BCL2L11: variants seen among roughly 807,000 people sequenced by gnomAD.
BCL2L11 encodes bcl-2-like protein 11.
BCL2L11 carries 15 observed loss-of-function variants against 20.6 expected under a neutral mutation model. The observed-to-expected ratio is 0.73, with a 90% CI of 0.49 to 1.12. The LOEUF (loss-of-function observed/expected upper bound fraction) is 1.12. Ranked by LOEUF, BCL2L11 falls within the 50% of genes most tolerant of loss-of-function variation. The pLI is 0.00. For synonymous variants in BCL2L11, 108 were observed against 92.8 expected (o/e 1.16, Z -0.94); for missense variants, 292 against 260.9 (o/e 1.12, Z -0.82).
intron 1 of BCL2L11, chr2:111,122,555 A>T (rs2071305449): frequency 1.0e-6 from 1 of 961,732 alleles, no homozygotes. Flanking sequence ...GCGCGGACCA[A>T]TTGGGAACGC....
rs2079085930 is a variant in BCL2L11 at position 111,167,644 on chromosome 2, C to G, written c.*3413C>G. On this transcript the variant is annotated 3_prime_UTR_variant, in exon 4 of 4. Transcript: ENST00000393256. The stretch of plus-strand genomic sequence containing the variant: ...AATGGGTGGGACAGGTGGCTCCTGC[C>G]TAAGGACCACCTCAGGCCACTAACC... 2.0e-5 allele frequency: 3 copies of G among 152,262 alleles called. No individual in the cohort carries two copies. Among genetic ancestry groups the G allele is most frequent in the African/African-American group, 2.4e-5 (1 of 41,464 alleles). The allele number at this position is 152,262 out of a possible 1,614,324, so 9.4% of individuals were successfully genotyped here. A position where few individuals can be genotyped will look rare whatever the true frequency, so the allele number is the denominator to read the frequency against.
Position 111,167,305 on chromosome 2 carries a change from G to A in BCL2L11, c.*3074G>A, listed in dbSNP as rs753525241. 11 of 152,108 alleles carry A rather than the reference G, an allele frequency of 7.2e-5. No homozygotes were observed. Among genetic ancestry groups the A allele is most frequent in the African/African-American group, 9.7e-5 (4 of 41,390 alleles). The allele number at this position is 152,108 out of a possible 1,614,324, so 9.4% of individuals were successfully genotyped here. ...TGGGTTTCAATTCTTGGGCTTTGCC[G>A]CCCTTATGATGAAGTGTGTGTTTGA... On this transcript the variant is annotated 3_prime_UTR_variant, in exon 4 of 4. Transcript: ENST00000393256.
Position 111,150,068 on chromosome 2 carries a change from C to A in BCL2L11, c.419C>A (p.Ala140Glu), listed in dbSNP as rs866869532. 3 of 1,613,914 alleles carry A rather than the reference C, an allele frequency of 1.9e-6. No homozygotes were observed. Among genetic ancestry groups the A allele is most frequent in the Non-Finnish European group, 2.5e-6 (3 of 1,179,894 alleles). ...AMASMRQAEP[A>E]DMRPEIWIAQ... Reference sequence around the variant, plus strand: ...GCTTCCATGAGGCAGGCTGAACCTGCAGATATGCGCCCAGAGATATGGATC... The same window carrying A: ...GCTTCCATGAGGCAGGCTGAACCTGAAGATATGCGCCCAGAGATATGGATC... The change falls in exon 3 of 4, where the codon GCA becomes GAA. Residue 140 changes from alanine to glutamate, a missense_variant. Transcript: ENST00000393256.
At chr2:111,161,752 T>C (rs2078576544) in intron 3 of BCL2L11, among the ~76,000 whole-genome samples, 1 of 152,210 alleles carries the variant, frequency 6.6e-6, no homozygotes, top group Non-Finnish European at 1.5e-5. Flanking sequence ...TGCCCTTACT[T>C]TGACCTTTCA....
Position 111,150,009 on chromosome 2 carries a change from C to G in BCL2L11, c.395-35C>G, listed in dbSNP as rs767124433. 6.3e-6 allele frequency: 10 copies of G among 1,579,360 alleles called. No individual in the cohort carries two copies. The East Asian group carries it at 2.2e-4, about 35-fold the overall frequency. ...AACTTTCCCAGTGATCTGTGGACCA[C>G]AATGTGATTTTTGTTTTGTTTTGTT... On this transcript the variant is annotated intron_variant, in intron 2 of 3. Coordinates refer to ENST00000393256, the MANE Select transcript of BCL2L11 (RefSeq NM_138621.5).
chr2:111,142,147 A>G (rs543216710), intron 2 of BCL2L11, among the ~76,000 whole-genome samples: 1 of 152,234 alleles, frequency 6.6e-6, no homozygotes, highest in Non-Finnish European at 1.5e-5. Context: ...AAGACCTTCA[A>G]AAGCACCAGA....
chr2:111,148,123 C>T (rs2076801758), intron 2 of BCL2L11, among the ~76,000 whole-genome samples: 1 of 152,224 alleles, frequency 6.6e-6, no homozygotes, highest in Non-Finnish European at 1.5e-5. Context: ...GTTTTCTTCA[C>T]TTCTGACTCC....
At position 111,146,610 on chromosome 2, in the gene BCL2L11, G is replaced by A. The variant is rs529491624; in HGVS notation, c.395-3434G>A. ...AAGGAAATAACAAAACTTAATTCTC[G>A]TGCTGATCGGTGCCACTGTGGGGCT... On this transcript the variant is annotated intron_variant, in intron 2 of 3. Transcript: ENST00000393256. Among the ~76,000 whole-genome samples the A allele has an allele frequency of 1.4e-3, 214 of 152,266 alleles. 1 individual carries two copies. The highest frequency in any genetic ancestry group is 4.6e-3 in the African/African-American group (191 of 41,548).
At chr2:111,142,866 C>A (rs1290897184) in intron 2 of BCL2L11, among the ~76,000 whole-genome samples, 2 of 152,182 alleles carry the variant, frequency 1.3e-5, no homozygotes, top group Non-Finnish European at 2.9e-5. Context: ...TGGCTAGAAA[C>A]AACTTACAGT....
At chr2:111,150,603 C>T (rs1001886914) in intron 3 of BCL2L11, among the ~76,000 whole-genome samples, 2 of 152,202 alleles carry the variant, frequency 1.3e-5, no homozygotes, top group African/African-American at 4.8e-5. Flanking sequence ...TGCAGGGTGG[C>T]CCGAGGAAGC....
chr2:111,144,550 TG>T, intron 2 of BCL2L11: 1 of 1,548,784 alleles, frequency 6.5e-7, no homozygotes, highest in Non-Finnish European at 8.7e-7. Flanking sequence ...ATAAGGGGGC[TG>T]GTCTGTTGCT....
intron 2 of BCL2L11, among the ~76,000 whole-genome samples, chr2:111,143,482 T>C (rs1276159934): frequency 1.3e-5 from 2 of 152,148 alleles, no homozygotes; most frequent in Non-Finnish European, 2.9e-5. Flanking sequence ...AGATTTCCTT[T>C]ATAGTCCCAG....
rs1215163048 is a variant in BCL2L11, at chr2:111,167,712, T to G, written c.*3481T>G. The stretch of plus-strand genomic sequence containing the variant: ...AGTAGCTGGGTTTTCCCCCACCTGC[T>G]GTGCAACTTCCTGTGCTTTGAGGTT... On this transcript the variant is annotated 3_prime_UTR_variant, in exon 4 of 4. Coordinates refer to ENST00000393256, the MANE Select transcript of BCL2L11 (RefSeq NM_138621.5). The G allele has an allele frequency of 2.0e-5, 3 of 152,506 alleles. No individual in the cohort carries two copies. The East Asian group carries it at 5.8e-4, about 29-fold the overall frequency. 9.4% of individuals were successfully genotyped at this position (152,506 alleles called of 1,614,324 possible). A position where few individuals can be genotyped will look rare whatever the true frequency, so the allele number is the denominator to read the frequency against.
chr2:111,146,490 T>G (rs920795606), intron 2 of BCL2L11, among the ~76,000 whole-genome samples: 1 of 152,194 alleles, frequency 6.6e-6, no homozygotes, highest in Non-Finnish European at 1.5e-5. Context: ...TTTGGAGATT[T>G]CTGTATGCCA....
chr2:111,130,862 A>G (rs913552928), intron 2 of BCL2L11, among the ~76,000 whole-genome samples: 3 of 152,208 alleles, frequency 2.0e-5, no homozygotes, highest in Admixed American at 2.0e-4. Flanking sequence ...ACCAGTTGAT[A>G]TGATCCCATG....
In BCL2L11 at chr2:111,167,521, A is replaced by T. The variant is rs1391387052; in HGVS notation, c.*3290A>T. Reference sequence around the variant, plus strand: ...GGAAAGATTTTTCTATTGAAAATTTATCCCTGACAACTCAGCGTTTAGAAA... The same window carrying T: ...GGAAAGATTTTTCTATTGAAAATTTTTCCCTGACAACTCAGCGTTTAGAAA... On this transcript the variant is annotated 3_prime_UTR_variant, in exon 4 of 4. Transcript: ENST00000393256. 1 of 152,266 alleles carries T rather than the reference A, an allele frequency of 6.6e-6. No individual in the cohort carries two copies. The highest frequency in any genetic ancestry group is 1.5e-5 in the Non-Finnish European group (1 of 68,050). The allele number at this position is 152,266 out of a possible 1,614,324, so 9.4% of individuals were successfully genotyped here.
intron 2 of BCL2L11, chr2:111,130,107 C>CTT: frequency 1.0e-5 from 4 of 393,472 alleles, no homozygotes; most frequent in South Asian, 1.8e-5. Flanking sequence ...ACTTTTACTT[C>CTT]TCTTTTTTTT....
chr2:111,121,054 C>T lies in BCL2L11; in HGVS notation c.-148C>T. ...CCACTTGATTCTTGCAGCCACCCTG[C>T]GAACCCTGCCACACTGCGATCGCAT... On this transcript the variant is annotated 5_prime_UTR_variant, in exon 1 of 4. Coordinates refer to ENST00000393256, the MANE Select transcript of BCL2L11 (RefSeq NM_138621.5). 2.7e-6 allele frequency: 1 copy of T among 367,820 alleles called. No homozygotes were observed. Among genetic ancestry groups the T allele is most frequent in the South Asian group, 4.7e-5 (1 of 21,420 alleles). 22.8% of individuals were successfully genotyped at this position (367,820 alleles called of 1,614,324 possible).
At chr2:111,122,662 C>T (rs1422652597) in intron 1 of BCL2L11, 16 of 983,556 alleles carry the variant, frequency 1.6e-5, no homozygotes, top group Non-Finnish European at 1.9e-5. Context: ...AGGATGTTCC[C>T]GGCGGCTGCG....
Sources: allele counts gnomAD v4.1 joint callset (sites outside exome capture counted in the v4.1 genomes callset), GRCh38; gene constraint gnomAD v4.1.1; transcripts MANE v1.5; gene names NCBI Gene and HGNC (gene_info 2026-07-23, HGNC 2026-07-21).